Variants in RERE observed in about 807,000 individuals in gnomAD.
RERE encodes arginine-glutamic acid dipeptide repeats protein.
A neutral mutation model predicts 146.1 loss-of-function variants in RERE; 40 were observed. The ratio of observed to expected loss-of-function variants is 0.27; its 90% CI spans 0.21 to 0.36. RERE has a LOEUF of 0.36. Among genes scored for constraint, RERE ranks in the 10% least tolerant of loss-of-function variants. The pLI is 1.00. For missense variants in RERE, 1,933 were observed against 2,138.7 expected (o/e 0.90, Z 1.90); for synonymous variants, 1,003 against 866.0 (o/e 1.16, Z -2.78).
intron 1 of RERE, among the ~76,000 whole-genome samples, chr1:8,694,893 A>C (rs925563006): frequency 1.4e-5 from 2 of 147,302 alleles, no homozygotes; most frequent in Admixed American, 7.1e-5. Flanking sequence ...TACTAATGTC[A>C]TTTTTCACAG....
chr1:8,656,751 G>T (rs949223380), intron 1 of RERE, among the ~76,000 whole-genome samples: 2 of 151,796 alleles, frequency 1.3e-5, no homozygotes, highest in African/African-American at 4.8e-5. Context: ...ACATATAATG[G>T]GTATTATTAT....
chr1:8,536,932 G>C (rs1645733966), intron 7 of RERE, among the ~76,000 whole-genome samples: 1 of 152,164 alleles, frequency 6.6e-6, no homozygotes, highest in African/African-American at 2.4e-5. Context: ...GCTGAGTGGA[G>C]CGGCTCATAC....
chr1:8,380,582 C>T (rs1415068182), intron 12 of RERE: 1 of 328,376 alleles, frequency 3.0e-6, no homozygotes, highest in South Asian at 2.4e-5. Context: ...CTCCTGATCT[C>T]GTGATCCACC....
intron 10 of RERE, among the ~76,000 whole-genome samples, chr1:8,466,469 C>T (rs1644598365): frequency 6.6e-6 from 1 of 152,112 alleles, no homozygotes; most frequent in South Asian, 2.1e-4. Context: ...TAAAGATGTT[C>T]ACCACACTGA....
At chr1:8,363,826 A>G (rs140027567) in intron 15 of RERE, 8 of 577,380 alleles carry the variant, frequency 1.4e-5, no homozygotes, top group Admixed American at 1.2e-4. Flanking sequence ...AGAAGCTAAG[A>G]GCTTGCTACA....
chr1:8,474,182 T>C (rs1644725214), intron 10 of RERE, among the ~76,000 whole-genome samples: 1 of 152,238 alleles, frequency 6.6e-6, no homozygotes, highest in Admixed American at 6.5e-5. Flanking sequence ...TACAGTTTAA[T>C]TAACTCATGA....
At chr1:8,686,531 C>A (rs1267582213) in intron 1 of RERE, among the ~76,000 whole-genome samples, 1 of 152,082 alleles carries the variant, frequency 6.6e-6, no homozygotes, top group Non-Finnish European at 1.5e-5. Context: ...GGGTGGATCA[C>A]CTGAGGTCAG....
intron 4 of RERE, among the ~76,000 whole-genome samples, chr1:8,578,357 T>C (rs920819899): frequency 3.3e-5 from 5 of 152,162 alleles, no homozygotes; most frequent in South Asian, 4.1e-4. Flanking sequence ...TCTGGTATTA[T>C]AAATCACACA....
chr1:8,621,872 A>G (rs1646920662), intron 3 of RERE, among the ~76,000 whole-genome samples: 2 of 152,240 alleles, frequency 1.3e-5, no homozygotes, highest in Admixed American at 6.5e-5. Context: ...TTATCTTTTA[A>G]TAAGTACAGA....
At chr1:8,649,729 C>CAAA (rs112009419) in intron 2 of RERE, among the ~76,000 whole-genome samples, 1 of 78,732 alleles carries the variant, frequency 1.3e-5, no homozygotes, top group African/African-American at 4.7e-5. Context: ...GACTCCGTCT[C>CAAA]AAAAAAAAAA....
At chr1:8,646,214 T>A (rs1180343426) in intron 2 of RERE, among the ~76,000 whole-genome samples, 1 of 152,104 alleles carries the variant, frequency 6.6e-6, no homozygotes, top group Non-Finnish European at 1.5e-5. Context: ...TTACTCCCAA[T>A]AGCTCAGAAT....
In RERE at chr1:8,360,397, T is replaced by G. The variant is rs1245424533; in HGVS notation, c.3110A>C (p.His1037Pro). 5.4e-5 allele frequency: 58 copies of G among 1,077,416 alleles called. No individual in the cohort carries two copies. The highest frequency in any genetic ancestry group is 6.4e-5 in the Non-Finnish European group (57 of 887,742). The allele number at this position is 1,077,416 out of a possible 1,614,324, so 66.7% of individuals were successfully genotyped here. Residue 1037 changes from histidine (H) to proline (P), a missense_variant, in exon 18 of 23, where the codon CAC becomes CCC. Around this residue, in one of 11 missense-constraint regions of RERE, gnomAD observed 1,255 missense variants for 1,153.8 expected, o/e 1.09. Coordinates refer to ENST00000400908, the MANE Select transcript of RERE (RefSeq NM_001042681.2). The stretch of plus-strand genomic sequence containing the variant: ...AGGAGGGCCTCCAGGGACAAAGGGG[T>G]GCTGAGCAAACGGGGGTTGGGGGGC... ...QVAPQPPFAQ[H>P]PFVPGGPPPI...
At chr1:8,765,896 G>A (rs1382633277) in intron 1 of RERE, among the ~76,000 whole-genome samples, 5 of 152,130 alleles carry the variant, frequency 3.3e-5, no homozygotes, top group Admixed American at 3.3e-4. Flanking sequence ...AGGTTGCAGT[G>A]AGTCAAGATC....
chr1:8,717,571 A>G (rs968122185), intron 1 of RERE, among the ~76,000 whole-genome samples: 5 of 152,238 alleles, frequency 3.3e-5, no homozygotes, highest in African/African-American at 1.2e-4. Flanking sequence ...TTATGCTTTG[A>G]AAGTATTCAA....
At chr1:8,809,096 C>G (rs1641742884) in intron 1 of RERE, among the ~76,000 whole-genome samples, 1 of 146,712 alleles carries the variant, frequency 6.8e-6, no homozygotes, top group Non-Finnish European at 1.5e-5. Context: ...TGAGATCACA[C>G]CACTGCACTC....
At chr1:8,739,258 T>TC (rs1358644066) in intron 1 of RERE, among the ~76,000 whole-genome samples, 1 of 152,116 alleles carries the variant, frequency 6.6e-6, no homozygotes, top group Non-Finnish European at 1.5e-5. Context: ...AAGAAAGAGT[T>TC]CCCCCAACTC....
intron 11 of RERE, chr1:8,465,633 A>C: frequency 2.2e-6 from 1 of 462,838 alleles, no homozygotes. Flanking sequence ...GCTAGCTTGC[A>C]CCAAAAACAA....
chr1:8,486,697 G>A (rs1168360347), intron 10 of RERE, among the ~76,000 whole-genome samples: 6 of 145,010 alleles, frequency 4.1e-5, no homozygotes, highest in East Asian at 4.1e-4. Context: ...ATGTTGAAAC[G>A]TCTTTATATT....
chr1:8,519,314 C>T (rs1645461138), intron 7 of RERE, among the ~76,000 whole-genome samples: 1 of 152,176 alleles, frequency 6.6e-6, no homozygotes, highest in Non-Finnish European at 1.5e-5. Context: ...CACCTGCAGT[C>T]CCAGCTAGTT....
Sources: allele counts gnomAD v4.1 joint callset (sites outside exome capture counted in the v4.1 genomes callset), GRCh38; gene constraint gnomAD v4.1.1; regional missense constraint gnomAD v4.1.1; transcripts MANE v1.5; gene names NCBI Gene and HGNC (gene_info 2026-07-23, HGNC 2026-07-21).